Variants in ZNF493 observed in about 807,000 individuals in gnomAD.
ZNF493 encodes the protein zinc finger protein 493.
In ZNF493, 11 loss-of-function variants were observed where a neutral mutation model predicts 12.2. That is an observed-to-expected ratio of 0.90 (90% CI 0.57 to 1.50). ZNF493 has a LOEUF of 1.50. Ranked by LOEUF, ZNF493 falls within the 40% of genes most tolerant of loss-of-function variation. ZNF493 has a pLI of 0.00. For missense variants in ZNF493, 950 were observed against 906.6 expected (o/e 1.05, Z -0.61); for synonymous variants, 286 against 302.6 (o/e 0.95, Z 0.57).
chr19:21,422,600 T>G (rs1599380882), intron 3 of ZNF493, among the ~76,000 whole-genome samples: 2 of 151,988 alleles, frequency 1.3e-5, no homozygotes, highest in Middle Eastern at 6.8e-3. Context: ...TGGCTGGGAA[T>G]TTACTTCTAA....
chr19:21,423,752 A>T lies in ZNF493; in HGVS notation c.1093A>T (p.Thr365Ser). The T allele has an allele frequency of 6.2e-7, 1 of 1,613,286 alleles. No individual in the cohort carries two copies. The highest frequency in any genetic ancestry group is 8.5e-7 in the Non-Finnish European group (1 of 1,179,420). Residue 365 changes from threonine to serine, a missense_variant, in exon 4 of 4, where the codon ACT (threonine) becomes TCT (serine). Thr to Ser is a moderately conservative substitution (Grantham distance 58). Transcript: ENST00000392288. ...AGCTTATAAGGAGTCCTCACACCTT[A>T]CTACACATAAAAGAATTCATACTGG... The part of the protein sequence containing the change: ...CKAYKESSHL[T>S]THKRIHTGEK...
chr19:21,398,680 C>G (rs1974211074), intron 1 of ZNF493: 1 of 344,868 alleles, frequency 2.9e-6, no homozygotes, highest in Non-Finnish European at 5.7e-6. Context: ...GGGGAATCTT[C>G]CGGTGTACTC....
chr19:21,424,815 G>T lies in ZNF493; in HGVS notation c.2156G>T (p.Gly719Val), dbSNP rs761021119. The T allele has an allele frequency of 1.9e-6, 3 of 1,613,456 alleles. No homozygotes were observed. The highest frequency in any genetic ancestry group is 4.5e-5 in the East Asian group (2 of 44,838). Residue 719 changes from glycine (G) to valine (V), a missense_variant, in exon 4 of 4, where the codon GGC becomes GTC. Gly to Val is a moderately radical substitution (Grantham distance 109). Transcript: ENST00000392288. The part of the protein sequence containing the change: ...GEKPCKCEEC[G>V]KAFNHSSNLI... ...AAACCTTGCAAATGTGAAGAATGTGGCAAAGCTTTTAACCATTCCTCAAAC... is the reference window on the plus strand; with the variant it reads ...AAACCTTGCAAATGTGAAGAATGTGTCAAAGCTTTTAACCATTCCTCAAAC...
Position 21,425,406 on chromosome 19 carries a change from CATAAA to C in ZNF493, c.*427_*431del, listed in dbSNP as rs2030829515. 3 of 430,330 alleles carry C rather than the reference CATAAA, an allele frequency of 7.0e-6. No individual in the cohort carries two copies. Among genetic ancestry groups the C allele is most frequent in the East Asian group, 4.9e-5 (1 of 20,564 alleles). 26.7% of individuals were successfully genotyped at this position (430,330 alleles called of 1,614,324 possible). ...TTACTGATTCTTATACCTTACTAAA[CATAAA>C]ATAATTCATAAAGGAGATAAATTAT... On this transcript the variant is annotated 3_prime_UTR_variant, in exon 4 of 4. Coordinates refer to ENST00000392288, the MANE Select transcript of ZNF493 (RefSeq NM_001076678.3).
chr19:21,411,544 AC>A (rs1432490555), intron 3 of ZNF493, among the ~76,000 whole-genome samples: 1 of 151,668 alleles, frequency 6.6e-6, no homozygotes, highest in Non-Finnish European at 1.5e-5. Flanking sequence ...ACAAAGTGAA[AC>A]CCCGTCTCTA....
chr19:21,407,531 C>T (rs1406963801), intron 3 of ZNF493: 4 of 536,622 alleles, frequency 7.5e-6, no homozygotes, highest in South Asian at 8.3e-5. Flanking sequence ...CCTCGTGATC[C>T]GCCCGCCTCA....
In ZNF493 at chr19:21,423,169, T is replaced by C. The variant is rs1258886781; in HGVS notation, c.510T>C (p.Asn170=). The C allele has an allele frequency of 1.2e-6, 2 of 1,613,244 alleles. No individual in the cohort carries two copies. Among genetic ancestry groups the C allele is most frequent in the Non-Finnish European group, 1.7e-6 (2 of 1,179,746 alleles). Residue 170 remains asparagine (N), a synonymous_variant, in exon 4 of 4, where the codon AAT becomes AAC. Transcript: ENST00000392288. ...VKVFHKLLNS[N]RHNTKHTGKK... The stretch of plus-strand genomic sequence containing the variant: ...TCTTTCATAAACTTTTAAATTCAAA[T>C]AGACATAACACAAAACATACTGGAA...
chr19:21,404,014 G>A (rs889439699), intron 1 of ZNF493, among the ~76,000 whole-genome samples: 1 of 152,148 alleles, frequency 6.6e-6, no homozygotes, highest in African/African-American at 2.4e-5. Context: ...GGGGTCCTTA[G>A]TAAAGATAAA....
intron 3 of ZNF493, among the ~76,000 whole-genome samples, chr19:21,419,916 T>C (rs542452373): frequency 3.3e-5 from 5 of 152,290 alleles, no homozygotes; most frequent in African/African-American, 1.2e-4. Context: ...CTCCCCACTT[T>C]GGTGCCAACC....
At position 21,422,091 on chromosome 19, in the gene ZNF493, G is replaced by A. The variant is rs142634695; in HGVS notation, c.254-822G>A. Among the ~76,000 whole-genome samples, 596 of 152,156 alleles carry A rather than the reference G, an allele frequency of 3.9e-3. 2 individuals are homozygous for A. Among genetic ancestry groups the A allele is most frequent in the Middle Eastern group, 0.037 (11 of 294 alleles). On this transcript the variant is annotated intron_variant, in intron 3 of 3. Coordinates refer to ENST00000392288, the MANE Select transcript of ZNF493 (RefSeq NM_001076678.3). The stretch of plus-strand genomic sequence containing the variant: ...AATCTCTTGAACTCGTGATCCACCC[G>A]CCTAGGCCTCGCAAAGTGCTGGGAT...
intron 3 of ZNF493, chr19:21,408,630 G>T (rs368176179): frequency 5.1e-6 from 5 of 984,690 alleles, no homozygotes; most frequent in Admixed American, 6.2e-5. Flanking sequence ...TGAGTTAAAC[G>T]TCTCTTCCTG....
At chr19:21,406,354 T>G (rs906850763) in intron 3 of ZNF493, among the ~76,000 whole-genome samples, 5 of 152,148 alleles carry the variant, frequency 3.3e-5, no homozygotes, top group South Asian at 2.1e-4. Flanking sequence ...TTGTTTTTTT[T>G]TTGTTGTTCT....
intron 3 of ZNF493, chr19:21,408,531 C>A (rs1019962818): frequency 1.0e-6 from 1 of 983,910 alleles, no homozygotes; most frequent in Non-Finnish European, 1.2e-6. Flanking sequence ...TTTCAAAATA[C>A]CTGCTTTTGA....
Position 21,424,229 on chromosome 19 carries a change from A to G in ZNF493, c.1570A>G (p.Lys524Glu), listed in dbSNP as rs1377646697. The change falls in exon 4 of 4, where the codon AAA (lysine) becomes GAA (glutamate). Residue 524 changes from lysine to glutamate, a missense_variant. By Grantham distance (56) the Lys-to-Glu change is moderately conservative. Transcript: ENST00000392288. ...EKPYKCEECG[K>E]AFKRSSTLTI... is the part of the protein sequence containing the mutation. ...ACCCTACAAATGTGAAGAATGTGGC[A>G]AAGCTTTTAAACGATCTTCAACCCT... The G allele has an allele frequency of 1.9e-6, 3 of 1,612,778 alleles. No homozygotes were observed. In the Admixed American group the frequency reaches 5.0e-5, roughly 27 times the overall value.
Position 21,397,140 on chromosome 19 carries a change from C to T in ZNF493, c.-98C>T, listed in dbSNP as rs1446670742. ...CCGGGATGTGGCTGGGCCATTGTTT[C>T]TCTCTGCTGCCGGAGCTCCAGGTCT... is the stretch of plus-strand genomic sequence containing the variant. On this transcript the variant is annotated 5_prime_UTR_variant, in exon 1 of 4. Coordinates refer to ENST00000392288, the MANE Select transcript of ZNF493 (RefSeq NM_001076678.3). 1.3e-5 allele frequency: 19 copies of T among 1,423,966 alleles called. No homozygotes were observed. In the Admixed American group the frequency reaches 1.5e-4, roughly 11 times the overall value. The allele number at this position is 1,423,966 out of a possible 1,614,324, so 88.2% of individuals were successfully genotyped here. A position where few individuals can be genotyped will look rare whatever the true frequency, so the allele number is the denominator to read the frequency against.
chr19:21,400,566 C>G (rs923107567), intron 1 of ZNF493, among the ~76,000 whole-genome samples: 1 of 152,132 alleles, frequency 6.6e-6, no homozygotes, highest in African/African-American at 2.4e-5. Context: ...AGAGCTAAGG[C>G]TAATACTGAG....
chr19:21,417,100 A>C (rs1239111207), intron 3 of ZNF493, among the ~76,000 whole-genome samples: 2 of 152,200 alleles, frequency 1.3e-5, no homozygotes, highest in Non-Finnish European at 2.9e-5. Context: ...GCATTTCCCA[A>C]AATCAGGTTC....
chr19:21,421,082 C>T (rs1476516966), intron 3 of ZNF493, among the ~76,000 whole-genome samples: 1 of 151,968 alleles, frequency 6.6e-6, no homozygotes, highest in African/African-American at 2.4e-5. Flanking sequence ...TCCCAAGATT[C>T]CCTTTTCTGT....
In ZNF493 at chr19:21,423,705, A is replaced by C; in HGVS notation, c.1046A>C (p.His349Pro). The C allele has an allele frequency of 6.2e-7, 1 of 1,613,794 alleles. No homozygotes were observed. The highest frequency in any genetic ancestry group is 8.5e-7 in the Non-Finnish European group (1 of 1,179,836). The change falls in exon 4 of 4, where the codon CAC becomes CCC. Residue 349 changes from histidine to proline, a missense_variant. Transcript: ENST00000392288. ...ATAATTCACACTGAAGAGAAATCCCACAGATGTGAAGAATATTGCAAAGCT... is the reference window on the plus strand; with the variant it reads ...ATAATTCACACTGAAGAGAAATCCCCCAGATGTGAAGAATATTGCAAAGCT... ...HKIIHTEEKSHRCEEYCKAYK... is the reference protein window; with the variant it reads ...HKIIHTEEKSPRCEEYCKAYK...
Sources: gnomAD v4.1 joint callset for allele counts (sites outside exome capture counted in the v4.1 genomes callset) on GRCh38, gnomAD v4.1.1 for gene constraint, MANE v1.5 for transcripts, NCBI Gene and HGNC (gene_info 2026-07-23, HGNC 2026-07-21) for gene names.